Variants in RBFOX1 observed in about 807,000 individuals in gnomAD.
RBFOX1 encodes RNA binding protein fox-1 homolog 1.
A neutral mutation model predicts 57.7 loss-of-function variants in RBFOX1; 8 were observed. That is an observed-to-expected ratio of 0.14 (90% CI 0.08 to 0.25). RBFOX1 has a LOEUF of 0.25. Among genes scored for constraint, RBFOX1 ranks in the 10% least tolerant of loss-of-function variants. The pLI is 1.00. For synonymous variants in RBFOX1, 326 were observed against 222.4 expected, an observed-to-expected ratio of 1.47 and a Z score of -4.15; for missense variants, 611 against 548.5, an observed-to-expected ratio of 1.11 and a Z score of -1.14.
At chr16:6,250,247 T>A (rs191731208) in intron 1 of RBFOX1, among the ~76,000 whole-genome samples, 3 of 152,200 alleles carry the variant, frequency 2.0e-5, no homozygotes, top group Admixed American at 2.0e-4. Flanking sequence ...TCTAGTCCTG[T>A]GTCAAACTCA....
chr16:7,218,257 A>T (rs181050829), intron 4 of RBFOX1, among the ~76,000 whole-genome samples: 2 of 152,192 alleles, frequency 1.3e-5, no homozygotes, highest in Non-Finnish European at 1.5e-5. Flanking sequence ...GAAAATCACT[A>T]TTCTCTACCT....
Position 7,507,335 on chromosome 16 carries a change from G to A in RBFOX1, c.28-10812G>A, listed in dbSNP as rs560691411. Among the ~76,000 whole-genome samples the A allele has an allele frequency of 6.6e-5, 10 of 152,164 alleles. No individual in the cohort carries two copies. The South Asian group carries it at 1.0e-3, about 16-fold the overall frequency. On this transcript the variant is annotated intron_variant, in intron 4 of 15. Coordinates refer to ENST00000550418, the MANE Select transcript of RBFOX1 (RefSeq NM_018723.4). ...ATTTTATTCTTCTCTCATGTGTGTA[G>A]ATTATTTCATTTAAAGAATGTTGGT... is the stretch of plus-strand genomic sequence containing the variant.
intron 4 of RBFOX1, among the ~76,000 whole-genome samples, chr16:7,095,194 T>G (rs1412530361): frequency 6.6e-6 from 1 of 152,190 alleles, no homozygotes. Context: ...TGGAGTGCAG[T>G]GGCACGATCT....
chr16:5,644,446 C>G (rs954314550), intron 3 of RBFOX1, among the ~76,000 whole-genome samples: 1 of 152,166 alleles, frequency 6.6e-6, no homozygotes, highest in Non-Finnish European at 1.5e-5. Context: ...GGCGCTTGGG[C>G]TCCAGATGGG....
At chr16:5,942,523 G>A (rs2059303411) in intron 4 of RBFOX1, among the ~76,000 whole-genome samples, 1 of 152,166 alleles carries the variant, frequency 6.6e-6, no homozygotes, top group Non-Finnish European at 1.5e-5. Context: ...TTAATCTTGT[G>A]ATCTCCAGAA....
At chr16:5,792,541 A>G (rs1440948456) in intron 3 of RBFOX1, among the ~76,000 whole-genome samples, 1 of 152,228 alleles carries the variant, frequency 6.6e-6, no homozygotes, top group Admixed American at 6.5e-5. Context: ...AGAAAATGGC[A>G]TTAAGAATAT....
intron 4 of RBFOX1, among the ~76,000 whole-genome samples, chr16:5,948,852 A>G (rs1211355163): frequency 6.6e-6 from 1 of 152,220 alleles, no homozygotes; most frequent in Non-Finnish European, 1.5e-5. Flanking sequence ...ACACACTAGT[A>G]GGTCCTATCA....
intron 4 of RBFOX1, among the ~76,000 whole-genome samples, chr16:7,334,996 T>C (rs564838591): frequency 6.6e-6 from 1 of 152,326 alleles, no homozygotes; most frequent in South Asian, 2.1e-4. Context: ...CTCACTGCTG[T>C]GGAATGCACT....
At chr16:6,646,870 A>G (rs1261730985) in intron 2 of RBFOX1, among the ~76,000 whole-genome samples, 1 of 152,130 alleles carries the variant, frequency 6.6e-6, no homozygotes. Flanking sequence ...CAGAGACTTC[A>G]GCCATTAATT....
At chr16:6,170,325 C>A (rs1166061937) in intron 1 of RBFOX1, among the ~76,000 whole-genome samples, 1 of 152,180 alleles carries the variant, frequency 6.6e-6, no homozygotes, top group Non-Finnish European at 1.5e-5. Flanking sequence ...AGACCCTGGT[C>A]TGTCCTGCTC....
At chr16:6,518,486 A>T (rs898449417) in intron 2 of RBFOX1, among the ~76,000 whole-genome samples, 18 of 152,084 alleles carry the variant, frequency 1.2e-4, no homozygotes, top group South Asian at 2.1e-4. Flanking sequence ...GCACACTGAG[A>T]GTCAGTTATT....
intron 2 of RBFOX1, among the ~76,000 whole-genome samples, chr16:6,591,098 A>G (rs1300970291): frequency 6.6e-6 from 1 of 152,090 alleles, no homozygotes; most frequent in African/African-American, 2.4e-5. Flanking sequence ...TTATTCTTAG[A>G]TTTCTTTGTC....
At chr16:6,934,618 T>C (rs570547077) in intron 3 of RBFOX1, among the ~76,000 whole-genome samples, 1 of 152,298 alleles carries the variant, frequency 6.6e-6, no homozygotes, top group Admixed American at 6.5e-5. Context: ...CTGGAGGTCA[T>C]TGTGTTGTGA....
At chr16:7,496,497 G>A (rs1037557085) in intron 4 of RBFOX1, among the ~76,000 whole-genome samples, 8 of 151,990 alleles carry the variant, frequency 5.3e-5, no homozygotes, top group African/African-American at 1.9e-4. Context: ...AGCCCTTATG[G>A]GGATGTAATG....
intron 2 of RBFOX1, among the ~76,000 whole-genome samples, chr16:6,532,520 G>A (rs1387683312): frequency 6.6e-6 from 1 of 152,156 alleles, no homozygotes; most frequent in African/African-American, 2.4e-5. Flanking sequence ...TTAGGGCTGT[G>A]CTCCTTCCTC....
At chr16:6,711,238 C>T (rs1372929189) in intron 3 of RBFOX1, among the ~76,000 whole-genome samples, 1 of 152,196 alleles carries the variant, frequency 6.6e-6, no homozygotes, top group African/African-American at 2.4e-5. Context: ...TCGCATCCTC[C>T]TCCTAACTCT....
intron 2 of RBFOX1, among the ~76,000 whole-genome samples, chr16:6,631,284 T>C (rs554099546): frequency 6.6e-6 from 1 of 150,582 alleles, no homozygotes; most frequent in East Asian, 1.9e-4. Context: ...GGGGGGTGAG[T>C]GTGTGTGTGT....
intron 4 of RBFOX1, among the ~76,000 whole-genome samples, chr16:5,991,327 C>A (rs998770415): frequency 2.0e-5 from 3 of 152,298 alleles, no homozygotes; most frequent in Middle Eastern, 3.4e-3. Flanking sequence ...GCACCCCTTC[C>A]CTTCCTTTCC....
At chr16:6,756,167 C>A (rs909063840) in intron 3 of RBFOX1, among the ~76,000 whole-genome samples, 1 of 152,092 alleles carries the variant, frequency 6.6e-6, no homozygotes, top group Non-Finnish European at 1.5e-5. Flanking sequence ...AAAATATATA[C>A]TGTAGTACCA....
Sources: gnomAD v4.1 joint callset for allele counts (sites outside exome capture counted in the v4.1 genomes callset) on GRCh38, gnomAD v4.1.1 for gene constraint, MANE v1.5 for transcripts, NCBI Gene and HGNC (gene_info 2026-07-23, HGNC 2026-07-21) for gene names.